AP1M2: variants seen among roughly 807,000 people sequenced by gnomAD.
AP1M2 encodes adaptor related protein complex 1 subunit mu 2.
In AP1M2, 41 loss-of-function variants were observed where a neutral mutation model predicts 54.6. The observed-to-expected ratio is 0.75, with a 90% CI of 0.59 to 0.97. AP1M2 has a LOEUF of 0.97. Among genes scored for constraint, AP1M2 ranks in the 50% least tolerant of loss-of-function variants. The pLI is 0.00. For missense variants in AP1M2, 507 were observed against 561.2 expected (o/e 0.90, Z 0.98); for synonymous variants, 219 against 215.9 (o/e 1.01, Z -0.13).
At chr19:10,578,504 C>CA (rs138260084) in intron 8 of AP1M2, among the ~76,000 whole-genome samples, 1 of 151,616 alleles carries the variant, frequency 6.6e-6, no homozygotes, top group Admixed American at 6.6e-5. Context: ...AACAAACAAA[C>CA]AAAAAAACCC....
In AP1M2 at chr19:10,572,984, A is replaced by T. The variant is rs184859510; in HGVS notation, c.*82T>A. On this transcript the variant is annotated 3_prime_UTR_variant, in exon 12 of 12. Transcript: ENST00000250244. ...GACCTGCCCTCACACAGACACACAC[A>T]GCCCGCACCTGCCCTCCCTCTAAAA... The T allele has an allele frequency of 1.6e-4, 233 of 1,447,454 alleles. 1 individual carries two copies. The South Asian group carries it at 1.7e-3, about 11-fold the overall frequency. 89.7% of individuals were successfully genotyped at this position (1,447,454 alleles called of 1,614,324 possible).
intron 2 of AP1M2, 99 bp downstream of exon 2, chr19:10,583,815 T>G (rs1917543731): frequency 6.7e-7 from 1 of 1,499,432 alleles, no homozygotes; most frequent in Non-Finnish European, 9.0e-7. Flanking sequence ...AGATGTGCGG[T>G]GCAACTCCTG....
In AP1M2 at chr19:10,581,845, C is replaced by A. The variant is rs1378732925; in HGVS notation, c.301G>T (p.Glu101Ter). 2 of 1,613,672 alleles carry A rather than the reference C, an allele frequency of 1.2e-6. No individual in the cohort carries two copies. Residue 101 changes from glutamate to a stop codon, truncating the protein, a stop_gained, in exon 4 of 12, where the codon GAG becomes TAG. Transcript: ENST00000250244. LOFTEE classifies it high-confidence loss of function. ...FCEYFKELEE[E>*]SIRDNFVIVY... Reference sequence around the variant, plus strand: ...ATGACAAAGTTGTCCCGGATGCTCTCCTCCTCCAGCTCCTTGAAGTATTCG... The same window carrying A: ...ATGACAAAGTTGTCCCGGATGCTCTACTCCTCCAGCTCCTTGAAGTATTCG...
chr19:10,577,936 A>G (rs1039613315), intron 8 of AP1M2, among the ~76,000 whole-genome samples: 1 of 151,808 alleles, frequency 6.6e-6, no homozygotes, highest in African/African-American at 2.4e-5. Context: ...GCGTTTCTCC[A>G]TGTTGGTCAG....
intron 9 of AP1M2, among the ~76,000 whole-genome samples, chr19:10,575,709 A>G (rs1917205351): frequency 6.6e-6 from 1 of 151,558 alleles, no homozygotes. Context: ...GATCACTTGC[A>G]TACATACGTA....
At chr19:10,580,044 G>GTTT (rs59349358) in intron 6 of AP1M2, among the ~76,000 whole-genome samples, 186 bp from the exon 7 acceptor site, 33 of 71,198 alleles carry the variant, frequency 4.6e-4, no homozygotes, top group South Asian at 9.9e-4. Context: ...ATCTGGCTTG[G>GTTT]TTTTTTTTTT....
intron 6 of AP1M2, among the ~76,000 whole-genome samples, chr19:10,580,199 G>A (rs1917393464): frequency 1.3e-5 from 2 of 152,030 alleles, no homozygotes; most frequent in Admixed American, 1.3e-4. Flanking sequence ...TTACAGGAAT[G>A]TGCTACCACC....
At chr19:10,579,314 G>A (rs1448483385) in intron 7 of AP1M2, among the ~76,000 whole-genome samples, 2 of 152,174 alleles carry the variant, frequency 1.3e-5, no homozygotes, top group Non-Finnish European at 2.9e-5. Flanking sequence ...TACTCGGGAC[G>A]CTGAGGCAGG....
chr19:10,584,517 T>C (rs1357670478), intron 1 of AP1M2, among the ~76,000 whole-genome samples: 2 of 151,636 alleles, frequency 1.3e-5, no homozygotes, highest in African/African-American at 4.8e-5. Context: ...GAGGCGGAGA[T>C]TGCAGTGAGC....
intron 1 of AP1M2, among the ~76,000 whole-genome samples, chr19:10,585,688 A>G (rs914027979): frequency 1.3e-5 from 2 of 148,236 alleles, no homozygotes; most frequent in Admixed American, 1.4e-4. Flanking sequence ...TCCATCTCCA[A>G]AAAAAAAAAA....
chr19:10,579,154 C>T (rs561673235), intron 7 of AP1M2, among the ~76,000 whole-genome samples, 191 bp from the exon 8 acceptor site: 3 of 152,014 alleles, frequency 2.0e-5, no homozygotes, highest in Admixed American at 6.6e-5. Flanking sequence ...CGGTGGCTCA[C>T]GCCTGTAATC....
chr19:10,578,933 T>C lies in AP1M2; in HGVS notation c.847A>G (p.Ile283Val). The change falls in exon 8 of 12, where the codon ATT (isoleucine) becomes GTT (valine). Residue 283 changes from isoleucine (I) to valine (V), a missense_variant. Transcript: ENST00000250244. ...ACGCGGCTGTGGGAGAACTTCTCAA[T>C]GACAGACTCAATCCAGATCAGTGGC... is the stretch of plus-strand genomic sequence containing the variant. Reference protein sequence around the residue: ...VKPLIWIESVIEKFSHSRVEI... With the variant: ...VKPLIWIESVVEKFSHSRVEI... The C allele has an allele frequency of 1.2e-6, 2 of 1,608,040 alleles. No individual in the cohort carries two copies. Among genetic ancestry groups the C allele is most frequent in the Non-Finnish European group, 1.7e-6 (2 of 1,177,460 alleles).
At chr19:10,574,545 G>T in intron 10 of AP1M2, 53 bp from the exon 11 acceptor site, 1 of 1,466,890 alleles carries the variant, frequency 6.8e-7, no homozygotes. Context: ...AGGAGGCCAG[G>T]GCCAGGGAGA....
intron 3 of AP1M2, among the ~76,000 whole-genome samples, chr19:10,583,330 C>G (rs758075297): frequency 6.6e-6 from 1 of 151,820 alleles, no homozygotes; most frequent in Non-Finnish European, 1.5e-5. Flanking sequence ...GCTTTGATGG[C>G]GGATGCACAG....
At chr19:10,574,666 T>A (rs1051663593) in intron 10 of AP1M2, among the ~76,000 whole-genome samples, 174 bp from the exon 11 acceptor site, 3 of 151,894 alleles carry the variant, frequency 2.0e-5, no homozygotes, top group Non-Finnish European at 2.9e-5. Context: ...GTGAATGGCT[T>A]TGGAGGTGGA....
At chr19:10,573,805 G>T (rs1427195731) in intron 11 of AP1M2, among the ~76,000 whole-genome samples, 1 of 150,970 alleles carries the variant, frequency 6.6e-6, no homozygotes, top group Non-Finnish European at 1.5e-5. Flanking sequence ...GGGACTACAG[G>T]TGTGCACATC....
Position 10,586,453 on chromosome 19 carries a change from TAAAAAAA to T in AP1M2, c.42+730_42+736del, listed in dbSNP as rs59380384. ...CTGGGTGACAGAGCAAGACTCTATT[TAAAAAAA>T]AAAAAAAAAAAAAATTAAAAATAGC... On this transcript the variant is annotated intron_variant, in intron 1 of 11. Transcript: ENST00000250244. 1.9e-3 allele frequency among the ~76,000 whole-genome samples: 231 copies of T among 119,692 alleles called. 4 individuals are homozygous for T. In the East Asian group the frequency reaches 0.038, roughly 20 times the overall value. The allele number at this position is 119,692 out of a possible 152,430, so 78.5% of individuals were successfully genotyped here.
intron 11 of AP1M2, among the ~76,000 whole-genome samples, chr19:10,573,313 G>A (rs1917118421): frequency 6.6e-6 from 1 of 152,024 alleles, no homozygotes; most frequent in African/African-American, 2.4e-5. Context: ...CAGCTACTAG[G>A]GAGGCTGAGG....
chr19:10,586,566 C>CA lies in AP1M2; in HGVS notation c.42+623dup, dbSNP rs569129945. Among the ~76,000 whole-genome samples, 32 of 136,226 alleles carry CA rather than the reference C, an allele frequency of 2.3e-4. No homozygotes were observed. In the South Asian group the frequency reaches 7.4e-3, roughly 31 times the overall value. The allele number at this position is 136,226 out of a possible 152,430, so 89.4% of individuals were successfully genotyped here. On this transcript the variant is annotated intron_variant, in intron 1 of 11. Transcript: ENST00000250244. ...TTGGCAACATAGCGGGATCCCTCTA[C>CA]AAAAAAATGTCAAGAATTAGCCAGG...
Sources: allele counts gnomAD v4.1 joint callset (sites outside exome capture counted in the v4.1 genomes callset), GRCh38; gene constraint gnomAD v4.1.1; transcripts MANE v1.5; gene names NCBI Gene and HGNC (gene_info 2026-07-23, HGNC 2026-07-21).